The following ZNF398 variants were observed in gnomAD, a reference collection of about 807,000 sequenced individuals.
ZNF398 encodes zinc finger protein 398.
ZNF398 carries 18 observed loss-of-function variants against 41.9 expected under a neutral mutation model. The ratio of observed to expected loss-of-function variants is 0.43; its 90% confidence interval spans 0.30 to 0.64. ZNF398 has a LOEUF of 0.64. ZNF398 is among the 30% of genes least tolerant of loss of function. ZNF398 has a pLI of 0.14. For missense variants in ZNF398, 669 were observed against 822.8 expected (o/e 0.81, Z 2.29); for synonymous variants, 260 against 308.8 (o/e 0.84, Z 1.66).
intron 2 of ZNF398, among the ~76,000 whole-genome samples, 186 bp downstream of exon 2, chr7:149,154,526 C>T (rs953997214): frequency 2.6e-5 from 4 of 151,994 alleles, no homozygotes; most frequent in Non-Finnish European, 5.9e-5. Flanking sequence ...AATTTAGTAC[C>T]CATTTAGAGT....
intron 1 of ZNF398, among the ~76,000 whole-genome samples, chr7:149,149,693 T>A (rs914982479): frequency 1.3e-4 from 19 of 151,736 alleles, no homozygotes; most frequent in South Asian, 6.3e-4. Context: ...TTTTTTTTTT[T>A]AAATTAGCCA....
chr7:149,135,994 T>A (rs1214645362), intron 2 of ZNF398, among the ~76,000 whole-genome samples: 5 of 152,162 alleles, frequency 3.3e-5, no homozygotes, highest in African/African-American at 1.2e-4. Flanking sequence ...GCTTTAATTT[T>A]GATTAAGTCC....
chr7:149,130,660 T>C lies in ZNF398; in HGVS notation c.-490+1716T>C, dbSNP rs76223205. Among the ~76,000 whole-genome samples, 356 of 152,332 alleles carry C rather than the reference T, an allele frequency of 2.3e-3. 1 individual carries two copies. The highest frequency in any genetic ancestry group is 8.2e-3 in the African/African-American group (340 of 41,576). On this transcript the variant is annotated intron_variant, in intron 2 of 6. Coordinates refer to the ZNF398 transcript ENST00000426851. ...TATTTTTAGCATTTAAAAAAACCGT[T>C]AGACATTCTAATCAATGGTGGTGTT... is the stretch of plus-strand genomic sequence containing the variant.
chr7:149,149,456 T>C (rs1265874373), intron 1 of ZNF398, among the ~76,000 whole-genome samples: 1 of 151,926 alleles, frequency 6.6e-6, no homozygotes, highest in African/African-American at 2.4e-5. Context: ...ATGGTCTCAA[T>C]CTCCTGACCT....
intron 2 of ZNF398, among the ~76,000 whole-genome samples, chr7:149,157,530 C>CAA (rs775907640): frequency 2.6e-5 from 2 of 78,000 alleles, no homozygotes; most frequent in African/African-American, 5.0e-5. Context: ...GACTCCGTCT[C>CAA]AAAAAAAAAA....
intron 1 of ZNF398, among the ~76,000 whole-genome samples, chr7:149,149,509 G>GT (rs1391021882): frequency 2.6e-5 from 4 of 152,056 alleles, no homozygotes; most frequent in Non-Finnish European, 5.9e-5. Flanking sequence ...GATTACAGGC[G>GT]TGAGCCACCG....
chr7:149,168,036 A>G (rs572544963), intron 4 of ZNF398, among the ~76,000 whole-genome samples: 4 of 152,134 alleles, frequency 2.6e-5, no homozygotes, highest in Non-Finnish European at 5.9e-5. Flanking sequence ...CTTATCATGC[A>G]TATATCTATC....
chr7:149,138,400 C>T (rs985612690), intron 2 of ZNF398, among the ~76,000 whole-genome samples: 4 of 151,682 alleles, frequency 2.6e-5, no homozygotes, highest in Non-Finnish European at 5.9e-5. Flanking sequence ...GACAACATGG[C>T]GAAATACCAT....
chr7:149,178,029 T>A (rs565469842), intron 5 of ZNF398, among the ~76,000 whole-genome samples: 18 of 152,184 alleles, frequency 1.2e-4, no homozygotes, highest in Admixed American at 3.9e-4. Context: ...CGGTGGCTCA[T>A]GCCTGTAATC....
At position 149,182,917 on chromosome 7, in the gene ZNF398, G is replaced by A. The variant is rs1054515959; in HGVS notation, c.*3116G>A. 6.6e-6 allele frequency: 1 copy of A among 151,886 alleles called. No homozygotes were observed. The highest frequency in any genetic ancestry group is 1.5e-5 in the Non-Finnish European group (1 of 68,010). 9.4% of individuals were successfully genotyped at this position (151,886 alleles called of 1,614,324 possible). A position where few individuals can be genotyped will look rare whatever the true frequency, so the allele number is the denominator to read the frequency against. ...AGCGGGGAAGGTGTGGGGCTCTGCT[G>A]GGCTTCTCTTGAGCATATCTGAGAA... On this transcript the variant is annotated 3_prime_UTR_variant, in exon 6 of 6. Coordinates refer to ENST00000475153, the MANE Select transcript of ZNF398 (RefSeq NM_170686.3).
chr7:149,159,848 C>T (rs1795068045), intron 2 of ZNF398, among the ~76,000 whole-genome samples: 1 of 151,928 alleles, frequency 6.6e-6, no homozygotes, highest in Non-Finnish European at 1.5e-5. Flanking sequence ...GTGTCTCAGT[C>T]CCGAGTAGCT....
At chr7:149,169,781 G>T (rs112479462) in intron 4 of ZNF398, among the ~76,000 whole-genome samples, 5 of 152,198 alleles carry the variant, frequency 3.3e-5, no homozygotes, top group African/African-American at 1.2e-4. Flanking sequence ...AAAAAAATAT[G>T]CTCCTGGCTC....
At chr7:149,140,392 CT>C (rs573167341) in intron 2 of ZNF398, among the ~76,000 whole-genome samples, 4 of 149,522 alleles carry the variant, frequency 2.7e-5, no homozygotes, top group East Asian at 2.0e-4. Flanking sequence ...ACATAAAATA[CT>C]TTTTTTTTTG....
intron 2 of ZNF398, among the ~76,000 whole-genome samples, chr7:149,163,755 G>A (rs62505097): frequency 1.2e-3 from 177 of 152,270 alleles, no homozygotes; most frequent in Non-Finnish European, 2.2e-3. Context: ...GAGCCACTGC[G>A]CCTGGCCAAA....
upstream of ZNF398, chr7:149,147,233 C>T (rs1826965489): frequency 6.6e-6 from 1 of 152,256 alleles, no homozygotes; most frequent in Non-Finnish European, 1.5e-5. This position sits in a 1 kb window ranked among gnomAD's most constrained non-coding sequence, Gnocchi z 5.6. Context: ...CGGCTGGGTC[C>T]TAAACTGCGG....
chr7:149,148,590 A>G (rs1408614439), intron 1 of ZNF398: 2 of 600,210 alleles, frequency 3.3e-6, no homozygotes, highest in Non-Finnish European at 4.2e-6. Flanking sequence ...GGGGTAGAGC[A>G]GAGGGAAGTG....
At chr7:149,126,428 G>A in exon 1 of ZNF398, 1 of 854,032 alleles carries the variant, frequency 1.2e-6, no homozygotes, top group Non-Finnish European at 1.7e-6. Flanking sequence ...GGTCCTCAGA[G>A]GAGGGGCCCG....
chr7:149,155,570 G>T (rs1213662671), intron 2 of ZNF398, among the ~76,000 whole-genome samples: 1 of 151,774 alleles, frequency 6.6e-6, no homozygotes, highest in African/African-American at 2.4e-5. Flanking sequence ...TATGACTAGG[G>T]TTGTGAATCA....
chr7:149,126,474 T>G, exon 1 of ZNF398: 1 of 570,518 alleles, frequency 1.8e-6, no homozygotes. Context: ...CGCCGGTCTT[T>G]GAGGGACCCT....
Sources: gnomAD v4.1 joint callset for allele counts (sites outside exome capture counted in the v4.1 genomes callset) on GRCh38, gnomAD v4.1.1 for gene constraint, Gnocchi (gnomAD v3.1) non-coding constraint, MANE v1.5 for transcripts, NCBI Gene and HGNC (gene_info 2026-07-23, HGNC 2026-07-21) for gene names.